LRIF1: variants seen among roughly 807,000 people sequenced by gnomAD.
The protein encoded by LRIF1 is ligand dependent nuclear receptor interacting factor 1, also known as ligand-dependent nuclear receptor-interacting factor 1.
Under a neutral mutation model 52.7 loss-of-function variants are expected in LRIF1, and 32 were observed. The ratio of observed to expected loss-of-function variants is 0.61; its 90% CI spans 0.46 to 0.82. The LOEUF (loss-of-function observed/expected upper bound fraction) is 0.82. LRIF1 is among the 40% of genes least tolerant of loss of function. LRIF1 has a pLI of 0.00. For synonymous variants in LRIF1, 323 were observed against 317.4 expected, an observed-to-expected ratio of 1.02 and a Z score of -0.19; for missense variants, 887 against 892.0, an observed-to-expected ratio of 0.99 and a Z score of 0.07.
the LRIF1 span, among the ~76,000 whole-genome samples, chr1:110,913,346 C>T: frequency 1.3e-5 from 2 of 152,062 alleles, no homozygotes; most frequent in African/African-American, 2.4e-5. Flanking sequence ...AACTAAAGTA[C>T]CTGTGCACAG....
the LRIF1 span, among the ~76,000 whole-genome samples, chr1:110,931,328 G>C: frequency 6.6e-6 from 1 of 152,086 alleles, no homozygotes; most frequent in African/African-American, 2.4e-5. Context: ...CCTTTTTCAT[G>C]GCTGCATAGT....
the LRIF1 span, among the ~76,000 whole-genome samples, chr1:110,877,596 TTG>T: frequency 6.6e-6 from 1 of 152,210 alleles, no homozygotes; most frequent in African/African-American, 2.4e-5. Flanking sequence ...TCATCTGGAT[TTG>T]TCTTTCTTCA....
At chr1:110,916,693 C>T in the LRIF1 span, among the ~76,000 whole-genome samples, 1 of 152,082 alleles carries the variant, frequency 6.6e-6, no homozygotes, top group African/African-American at 2.4e-5. Context: ...ATAAGAGATA[C>T]TCTAAAACAT....
At chr1:110,945,970 T>A (rs867159077), downstream of LRIF1, among the ~76,000 whole-genome samples, 3 of 152,200 alleles carry the variant, frequency 2.0e-5, no homozygotes, top group Admixed American at 6.5e-5. Flanking sequence ...ACAGTTATTG[T>A]ATGACCCAGC....
At chr1:110,913,901 T>C in the LRIF1 span, among the ~76,000 whole-genome samples, 2 of 152,062 alleles carry the variant, frequency 1.3e-5, no homozygotes, top group African/African-American at 2.4e-5. Context: ...TGGATGCCCA[T>C]CAACAGTGGA....
the LRIF1 span, among the ~76,000 whole-genome samples, chr1:110,886,869 AT>A: frequency 1.7e-4 from 14 of 82,774 alleles, no homozygotes; most frequent in South Asian, 8.5e-4. Flanking sequence ...ATATATATAT[AT>A]TTTTTTTTTC....
At chr1:110,894,895 A>T in the LRIF1 span, 1 of 1,249,572 alleles carries the variant, frequency 8.0e-7, no homozygotes, top group East Asian at 2.3e-5. Flanking sequence ...TATACTGGAA[A>T]TTCCTTATTC....
the LRIF1 span, among the ~76,000 whole-genome samples, chr1:110,933,869 A>T: frequency 3.3e-5 from 5 of 152,134 alleles, no homozygotes; most frequent in Non-Finnish European, 7.3e-5. Context: ...TGGCTAAAGG[A>T]GTGCTGACAT....
chr1:110,928,687 T>C, the LRIF1 span, among the ~76,000 whole-genome samples: 1 of 152,006 alleles, frequency 6.6e-6, no homozygotes, highest in African/African-American at 2.4e-5. Context: ...GAGCAGGCCA[T>C]GCAGCTAGCT....
At chr1:110,941,409 G>A in the LRIF1 span, 1 of 151,996 alleles carries the variant, frequency 6.6e-6, no homozygotes, top group Admixed American at 6.6e-5. Context: ...CCAACAGTGA[G>A]AAACCTGGCT....
the LRIF1 span, among the ~76,000 whole-genome samples, chr1:110,921,439 T>C: frequency 6.6e-6 from 1 of 152,046 alleles, no homozygotes; most frequent in Non-Finnish European, 1.5e-5. Context: ...AAACACCAAA[T>C]GTAAAACAAT....
intron 1 of LRIF1, among the ~76,000 whole-genome samples, chr1:110,954,255 A>G (rs1271839187): frequency 6.6e-6 from 1 of 152,120 alleles, no homozygotes; most frequent in African/African-American, 2.4e-5. Flanking sequence ...GACACGTGAG[A>G]GTGGGTCAAA....
chr1:110,945,867 A>G (rs1658192814), downstream of LRIF1, among the ~76,000 whole-genome samples: 1 of 152,234 alleles, frequency 6.6e-6, no homozygotes, highest in Admixed American at 6.5e-5. Flanking sequence ...GTAATATGGA[A>G]GTCACTGGTG....
chr1:110,918,458 T>A, the LRIF1 span, among the ~76,000 whole-genome samples: 3 of 152,170 alleles, frequency 2.0e-5, no homozygotes, highest in African/African-American at 4.8e-5. Context: ...ATCCAAAGAT[T>A]AATTAAACGT....
intron 1 of LRIF1, among the ~76,000 whole-genome samples, chr1:110,962,971 A>ATT (rs1192899781): frequency 7.9e-5 from 12 of 152,092 alleles, no homozygotes; most frequent in Non-Finnish European, 1.6e-4. Flanking sequence ...ACTTTACAAG[A>ATT]ATATCTTCCT....
At chr1:110,897,653 C>A in the LRIF1 span, 4 of 485,878 alleles carry the variant, frequency 8.2e-6, no homozygotes, top group East Asian at 6.6e-5. Context: ...CCACCTTATG[C>A]CTGTTTCTTC....
the LRIF1 span, among the ~76,000 whole-genome samples, chr1:110,912,731 A>G: frequency 6.6e-6 from 1 of 152,250 alleles, no homozygotes; most frequent in Non-Finnish European, 1.5e-5. Context: ...GGAACAATCA[A>G]TATTGTTAAA....
At chr1:110,897,894 TA>T in the LRIF1 span, 1 of 1,575,616 alleles carries the variant, frequency 6.3e-7, no homozygotes. Context: ...GTGATTGAGG[TA>T]AGAGCTTAAC....
the LRIF1 span, among the ~76,000 whole-genome samples, chr1:110,926,659 G>C: frequency 2.6e-5 from 4 of 152,062 alleles, no homozygotes; most frequent in Admixed American, 1.3e-4. Flanking sequence ...ACCATGCTTA[G>C]AGATTGCATC....
Sources: gnomAD v4.1 joint callset for allele counts (sites outside exome capture counted in the v4.1 genomes callset) on GRCh38, gnomAD v4.1.1 for gene constraint, MANE v1.5 for transcripts, NCBI Gene and HGNC (gene_info 2026-07-23, HGNC 2026-07-21) for gene names.